Variants in SVIL observed in about 807,000 individuals in gnomAD.
SVIL encodes the protein supervillin.
A neutral mutation model predicts 240.4 loss-of-function variants in SVIL; 101 were observed. The ratio of observed to expected loss-of-function variants is 0.42; its 90% CI spans 0.36 to 0.50. The LOEUF (loss-of-function observed/expected upper bound fraction) is 0.50, where lower values mean the gene tolerates loss of function less well. Among genes scored for constraint, SVIL ranks in the 20% least tolerant of loss-of-function variants. The pLI is 0.01. For missense variants in SVIL, 2,512 were observed against 2,818.7 expected, an observed-to-expected ratio of 0.89 and a Z score of 2.46; for synonymous variants, 999 against 1,100.0, an observed-to-expected ratio of 0.91 and a Z score of 1.82.
chr10:29,632,045 C>A (rs981444357), intron 1 of SVIL, among the ~76,000 whole-genome samples: 3 of 152,190 alleles, frequency 2.0e-5, no homozygotes, highest in Non-Finnish European at 4.4e-5. Context: ...TCCAAGGCTG[C>A]CTTTGTACCC....
chr10:29,671,982 T>C (rs1199297245), intron 2 of SVIL, among the ~76,000 whole-genome samples: 1 of 152,216 alleles, frequency 6.6e-6, no homozygotes, highest in Non-Finnish European at 1.5e-5. Flanking sequence ...GGTTCTATAA[T>C]ACATTCTGAA....
intron 1 of SVIL, among the ~76,000 whole-genome samples, chr10:29,572,121 T>C (rs966825648): frequency 5.9e-5 from 9 of 152,156 alleles, no homozygotes; most frequent in African/African-American, 2.2e-4. Flanking sequence ...CAGGTGGACT[T>C]AGACTAATTT....
At chr10:29,622,142 C>T (rs1470227562) in intron 1 of SVIL, among the ~76,000 whole-genome samples, 11 of 142,756 alleles carry the variant, frequency 7.7e-5, no homozygotes, top group African/African-American at 2.8e-4. Context: ...CCCAGCTACT[C>T]GGGAGGCTGA....
intron 1 of SVIL, among the ~76,000 whole-genome samples, chr10:29,718,393 A>C (rs1963766326): frequency 6.6e-6 from 1 of 152,190 alleles, no homozygotes; most frequent in Non-Finnish European, 1.5e-5. Flanking sequence ...ATGTAAAATT[A>C]CATATGTGGT....
At chr10:29,491,526 C>T (rs1339313175) in intron 21 of SVIL, among the ~76,000 whole-genome samples, 1 of 152,210 alleles carries the variant, frequency 6.6e-6, no homozygotes, top group South Asian at 2.1e-4. Context: ...CCATGACTAG[C>T]TTCCACTTAA....
chr10:29,576,416 C>A (rs60843332), intron 1 of SVIL, among the ~76,000 whole-genome samples: 8,775 of 152,124 alleles, frequency 0.058, 725 homozygotes, highest in African/African-American at 0.18. Flanking sequence ...CTATTAACTT[C>A]TAATTTATAT....
chr10:29,725,183 C>T (rs1419698183), intron 1 of SVIL, among the ~76,000 whole-genome samples: 1 of 151,978 alleles, frequency 6.6e-6, no homozygotes, highest in East Asian at 1.9e-4. Flanking sequence ...ACAGGCACAG[C>T]CCTAAGGCAG....
intron 12 of SVIL, among the ~76,000 whole-genome samples, chr10:29,528,247 C>T (rs187956530): frequency 6.6e-5 from 10 of 152,198 alleles, no homozygotes; most frequent in African/African-American, 2.4e-4. Context: ...ATATACTTAG[C>T]TACAAATGCA....
rs2296594 is a variant in SVIL, at chr10:29,524,536, G to A, written c.2522C>T (p.Thr841Met). ...KAISTRNRID[T>M]RQRRMNARYQ... The stretch of plus-strand genomic sequence containing the variant: ...GCGAGCGTTCATTCTCCTCTGTCTC[G>A]TGTCTATTCTGTTCCGGGTAGAAAT... Residue 841 changes from threonine (T) to methionine (M), a missense_variant, in exon 14 of 38, where the codon ACG becomes ATG. By Grantham distance (81) the Thr-to-Met change is moderately conservative. Transcript: ENST00000355867. The A allele has an allele frequency of 2.8e-5, 45 of 1,613,962 alleles. No homozygotes were observed. In the East Asian group the frequency reaches 6.0e-4, roughly 22 times the overall value.
In SVIL at chr10:29,524,717, T is replaced by C. The variant is rs1309046300; in HGVS notation, c.2343-2A>G. ...TTTTGGTGAGCAGAGGCCTGCAATC[T>C]GAAAAAAATAAAATGTCAGCAACAC... is the stretch of plus-strand genomic sequence containing the variant. On this transcript the variant is annotated splice_acceptor_variant, in intron 13 of 37. Coordinates refer to ENST00000355867, the MANE Select transcript of SVIL (RefSeq NM_021738.3). LOFTEE classifies it high-confidence loss of function. 1 of 1,612,272 alleles carries C rather than the reference T, an allele frequency of 6.2e-7. No individual in the cohort carries two copies. The highest frequency in any genetic ancestry group is 8.5e-7 in the Non-Finnish European group (1 of 1,179,126).
chr10:29,630,394 G>A (rs1419225364), intron 1 of SVIL, among the ~76,000 whole-genome samples: 1 of 152,156 alleles, frequency 6.6e-6, no homozygotes, highest in Non-Finnish European at 1.5e-5. Context: ...AAGCACATTA[G>A]GAGGAAAAAG....
chr10:29,589,894 C>T (rs921618886), intron 1 of SVIL, among the ~76,000 whole-genome samples: 3 of 152,048 alleles, frequency 2.0e-5, no homozygotes, highest in Non-Finnish European at 4.4e-5. Flanking sequence ...GTTGGCCAGG[C>T]GTGGTGGCTC....
intron 1 of SVIL, among the ~76,000 whole-genome samples, chr10:29,728,009 G>C (rs1964394512): frequency 6.6e-6 from 1 of 152,122 alleles, no homozygotes; most frequent in Non-Finnish European, 1.5e-5. Context: ...AATCTGTCAA[G>C]GATTTCCTAA....
chr10:29,589,640 C>T (rs924120587), intron 1 of SVIL, among the ~76,000 whole-genome samples: 5 of 152,026 alleles, frequency 3.3e-5, no homozygotes, highest in South Asian at 2.1e-4. Context: ...GAAAAGAAAA[C>T]GAGGTGAGAC....
chr10:29,583,361 A>T (rs1348682443), intron 1 of SVIL, among the ~76,000 whole-genome samples: 1 of 152,184 alleles, frequency 6.6e-6, no homozygotes, highest in Non-Finnish European at 1.5e-5. Context: ...GCAGTGGCAC[A>T]ATCACAGCTC....
intron 1 of SVIL, among the ~76,000 whole-genome samples, chr10:29,687,786 T>G (rs560997749): frequency 2.0e-5 from 3 of 152,344 alleles, no homozygotes; most frequent in South Asian, 4.1e-4. Context: ...TCCTGAAAAC[T>G]TCTTTGGAAT....
At position 29,499,275 on chromosome 10, in the gene SVIL, T is replaced by C. The variant is rs534395639; in HGVS notation, c.3517-12A>G. 3.1e-6 allele frequency: 5 copies of C among 1,614,146 alleles called. No homozygotes were observed. Among genetic ancestry groups the C allele is most frequent in the South Asian group, 2.2e-5 (2 of 91,080 alleles). ...CTTTCTGTGACCCGCTGTTCATAAA[T>C]GTACAGAAGAGAAAACAGGAGAGAG... On this transcript the variant is annotated splice_polypyrimidine_tract_variant and intron_variant, in intron 17 of 37. Transcript: ENST00000355867.
chr10:29,661,528 G>A (rs1326750051), intron 2 of SVIL, among the ~76,000 whole-genome samples: 2 of 152,176 alleles, frequency 1.3e-5, no homozygotes, highest in Admixed American at 1.3e-4. Flanking sequence ...AGGAGGGCTT[G>A]TCTCTTCTCT....
intron 2 of SVIL, among the ~76,000 whole-genome samples, chr10:29,681,389 A>C (rs1960631031): frequency 6.8e-6 from 1 of 146,530 alleles, no homozygotes; most frequent in Non-Finnish European, 1.5e-5. Flanking sequence ...AGGCATGATG[A>C]CCTCTAAAGA....
Sources: gnomAD v4.1 joint callset for allele counts (sites outside exome capture counted in the v4.1 genomes callset) on GRCh38, gnomAD v4.1.1 for gene constraint, MANE v1.5 for transcripts, NCBI Gene and HGNC (gene_info 2026-07-23, HGNC 2026-07-21) for gene names.